POFUT3: variants seen among roughly 807,000 people sequenced by gnomAD.
POFUT3 encodes protein O-fucosyltransferase 3.
chr8:33,393,729 C>T, the POFUT3 span, among the ~76,000 whole-genome samples: 6 of 152,302 alleles, frequency 3.9e-5, no homozygotes, highest in African/African-American at 4.8e-5. Context: ...ACCAGAGGGA[C>T]GACAGGCCCT....
the POFUT3 span, among the ~76,000 whole-genome samples, chr8:33,331,227 G>A: frequency 6.6e-6 from 1 of 151,390 alleles, no homozygotes; most frequent in Non-Finnish European, 1.5e-5. Context: ...CCAGCTACTC[G>A]GGAGGCTGAG....
At chr8:33,429,616 C>G in the POFUT3 span, among the ~76,000 whole-genome samples, 99,335 of 151,726 alleles carry the variant, frequency 0.65, 32,876 homozygotes, top group African/African-American at 0.72. Context: ...AAGAGACAGA[C>G]ACAAAAAGCC....
chr8:33,439,603 T>C, the POFUT3 span, among the ~76,000 whole-genome samples: 2 of 151,674 alleles, frequency 1.3e-5, no homozygotes, highest in Non-Finnish European at 2.9e-5. Context: ...CGCGGTTGCT[T>C]ATGCCTGTAA....
At chr8:33,407,122 A>G in the POFUT3 span, among the ~76,000 whole-genome samples, 1 of 152,200 alleles carries the variant, frequency 6.6e-6, no homozygotes, top group Non-Finnish European at 1.5e-5. Flanking sequence ...CAAAATTTAT[A>G]TGGAAAATTA....
At chr8:33,419,529 C>A in the POFUT3 span, among the ~76,000 whole-genome samples, 251 of 152,316 alleles carry the variant, frequency 1.6e-3, 1 homozygote, top group African/African-American at 5.8e-3. Context: ...AATGCTGGCT[C>A]ACCCGCCACT....
the POFUT3 span, among the ~76,000 whole-genome samples, chr8:33,362,496 C>T: frequency 6.6e-6 from 1 of 152,056 alleles, no homozygotes; most frequent in African/African-American, 2.4e-5. Context: ...AGTCAAGACC[C>T]ATCAGTGTGC....
the POFUT3 span, among the ~76,000 whole-genome samples, chr8:33,317,687 T>C: frequency 6.6e-6 from 1 of 152,048 alleles, no homozygotes; most frequent in African/African-American, 2.4e-5. Context: ...GGTTGCCCTG[T>C]AAATAAACAC....
the POFUT3 span, among the ~76,000 whole-genome samples, chr8:33,383,083 C>T: frequency 6.6e-6 from 1 of 152,074 alleles, no homozygotes; most frequent in Non-Finnish European, 1.5e-5. Flanking sequence ...GGAATGATTC[C>T]GAGTGCAGTA....
chr8:33,372,862 C>T, the POFUT3 span: 4 of 1,491,026 alleles, frequency 2.7e-6, no homozygotes, highest in Non-Finnish European at 3.7e-6. Context: ...GCACAATTCC[C>T]TTAAAGCAAC....
chr8:33,333,315 C>G, the POFUT3 span, among the ~76,000 whole-genome samples: 12 of 152,132 alleles, frequency 7.9e-5, no homozygotes, highest in Non-Finnish European at 1.6e-4. Flanking sequence ...AGATCATGCA[C>G]TAGGGAGGTA....
At chr8:33,365,596 G>A in the POFUT3 span, among the ~76,000 whole-genome samples, 1 of 152,064 alleles carries the variant, frequency 6.6e-6, no homozygotes. Flanking sequence ...GTGGACAAAG[G>A]ATATGAACAG....
chr8:33,332,235 C>T, the POFUT3 span, among the ~76,000 whole-genome samples: 1 of 147,578 alleles, frequency 6.8e-6, no homozygotes, highest in Non-Finnish European at 1.5e-5. Flanking sequence ...TGTAATCCCA[C>T]CACTTTGGGA....
the POFUT3 span, among the ~76,000 whole-genome samples, chr8:33,355,492 T>C: frequency 1.3e-5 from 2 of 152,118 alleles, no homozygotes; most frequent in Non-Finnish European, 2.9e-5. Flanking sequence ...ACCAGCTACC[T>C]AGGCATCCCT....
At chr8:33,472,522 G>C in the POFUT3 span, among the ~76,000 whole-genome samples, 2 of 152,244 alleles carry the variant, frequency 1.3e-5, 1 homozygote, top group African/African-American at 4.8e-5. Context: ...TGCTTTCCTG[G>C]GGCATTTTCT....
the POFUT3 span, among the ~76,000 whole-genome samples, chr8:33,327,592 C>T: frequency 6.6e-6 from 1 of 152,136 alleles, no homozygotes; most frequent in East Asian, 1.9e-4. Flanking sequence ...GTCATTTATC[C>T]AAGGGCACCC....
chr8:33,379,855 ATATATATATAATATATATATAC>A, the POFUT3 span, among the ~76,000 whole-genome samples: 1 of 129,794 alleles, frequency 7.7e-6, no homozygotes, highest in South Asian at 2.2e-4. Flanking sequence ...AAATATATAT[ATATATATATAATATATATATAC>A]TATATATATA....
chr8:33,457,892 G>T, the POFUT3 span, among the ~76,000 whole-genome samples: 1 of 107,486 alleles, frequency 9.3e-6, no homozygotes, highest in Non-Finnish European at 2.1e-5. Flanking sequence ...TAGCTTAAGT[G>T]TAGGTAACTA....
At chr8:33,356,024 G>A in the POFUT3 span, among the ~76,000 whole-genome samples, 8 of 151,980 alleles carry the variant, frequency 5.3e-5, no homozygotes, top group African/African-American at 1.9e-4. Context: ...TGGCTGCATA[G>A]TATTCCATGG....
the POFUT3 span, among the ~76,000 whole-genome samples, chr8:33,441,836 T>G: frequency 6.6e-6 from 1 of 152,180 alleles, no homozygotes; most frequent in Non-Finnish European, 1.5e-5. Flanking sequence ...TAGACCTGGA[T>G]GGGGGCCATC....
Sources: gnomAD v4.1 joint callset for allele counts (sites outside exome capture counted in the v4.1 genomes callset) on GRCh38, gnomAD v4.1.1 for gene constraint, MANE v1.5 for transcripts, NCBI Gene and HGNC (gene_info 2026-07-23, HGNC 2026-07-21) for gene names.